Variants in DCHS1 observed in about 807,000 individuals in gnomAD.
DCHS1 encodes dachsous cadherin-related 1.
In DCHS1, 78 loss-of-function variants were observed where a neutral mutation model predicts 213.9. The observed-to-expected ratio is 0.36, with a 90% confidence interval of 0.30 to 0.44. DCHS1 has a LOEUF of 0.44. Among genes scored for constraint, DCHS1 ranks in the 20% least tolerant of loss-of-function variants. DCHS1 has a pLI of 1.00. For synonymous variants in DCHS1, 1,828 were observed against 1,873.7 expected, an observed-to-expected ratio of 0.98 and a Z score of 0.63; for missense variants, 3,946 against 4,395.9, an observed-to-expected ratio of 0.90 and a Z score of 2.89.
rs1270065934 is a variant in DCHS1 at position 6,630,472 on chromosome 11, A to C, written c.4322T>G (p.Leu1441Arg). Residue 1441 changes from leucine (L) to arginine (R), a missense_variant, in exon 10 of 21, where the codon CTG becomes CGG. Coordinates refer to ENST00000299441, the MANE Select transcript of DCHS1 (RefSeq NM_003737.4). ...CGGGTTCTCTGGCAGCGCCAGCGCC[A>C]GCGGGTCGCGCGCAAAGGCGGGCGC... ...EHAPAFARDP[L>R]ALALPENPEP... 1 of 1,529,734 alleles carries C rather than the reference A, an allele frequency of 6.5e-7. No individual in the cohort carries two copies. Among genetic ancestry groups the C allele is most frequent in the African/African-American group, 1.4e-5 (1 of 70,616 alleles). 94.8% of individuals were successfully genotyped at this position (1,529,734 alleles called of 1,614,324 possible).
At chr11:6,629,312 CA>C (rs1855862351) in intron 12 of DCHS1, 139 bp downstream of exon 12, 1 of 1,253,044 alleles carries the variant, frequency 8.0e-7, no homozygotes, top group East Asian at 2.5e-5. Flanking sequence ...CTCGACTCCC[CA>C]AAAGGGTCCA....
At chr11:6,646,540 G>A (rs1856158421) in intron 1 of DCHS1, among the ~76,000 whole-genome samples, 2 of 152,044 alleles carry the variant, frequency 1.3e-5, no homozygotes, top group Admixed American at 1.3e-4. Flanking sequence ...CCCCAGATCT[G>A]GCCTGCCCCT....
At position 6,640,713 on chromosome 11, in the gene DCHS1, C is replaced by G; in HGVS notation, c.901G>C (p.Gly301Arg). 6.2e-7 allele frequency: 1 copy of G among 1,613,874 alleles called. No individual in the cohort carries two copies. The highest frequency in any genetic ancestry group is 8.5e-7 in the Non-Finnish European group (1 of 1,179,884). The change falls in exon 2 of 21, where the codon GGT (glycine) becomes CGT (arginine). Residue 301 changes from glycine (G) to arginine (R), a missense_variant. By Grantham distance (125) the Gly-to-Arg change is moderately radical (BLOSUM62 -2). Around this residue, in one of 3 missense-constraint regions of DCHS1, gnomAD observed 3,384 missense variants for 3,780.1 expected, o/e 0.90. Coordinates refer to ENST00000299441, the MANE Select transcript of DCHS1 (RefSeq NM_003737.4). The surrounding 1 kb of genome is among the most constrained non-coding windows in gnomAD (Gnocchi z 6.5). Reference sequence around the variant, plus strand: ...GCGTCGATGGAGAAGGGTCCATCACCCTCGCTCTGCCTCCGGTTGATCTCG... The same window carrying G: ...GCGTCGATGGAGAAGGGTCCATCACGCTCGCTCTGCCTCCGGTTGATCTCG... ...TYEINRRQSE[G>R]DGPFSIDAHT... is the part of the protein sequence containing the mutation.
At position 6,628,734 on chromosome 11, in the gene DCHS1, C is replaced by T. The variant is rs564712515; in HGVS notation, c.5258G>A (p.Ser1753Asn). 9.3e-6 allele frequency: 15 copies of T among 1,614,032 alleles called. No individual in the cohort carries two copies. The South Asian group carries it at 1.6e-4, about 18-fold the overall frequency. The change falls in exon 13 of 21, where the codon AGT (serine) becomes AAT (asparagine). Residue 1753 changes from serine to asparagine, a missense_variant. Ser to Asn is a conservative substitution (Grantham distance 46). Transcript: ENST00000299441. The surrounding 1 kb of genome is among the most constrained non-coding windows in gnomAD (Gnocchi z 4.3). ...AGGCACCTCCAGAGAGAGATGGGCA[C>T]TCCCAAAGGTTGGTGCATGGTCATT... ...DENDHAPTFG[S>N]AHLSLEVPEG...
Position 6,632,343 on chromosome 11 carries a change from G to T in DCHS1, c.3169C>A (p.Arg1057=), listed in dbSNP as rs756230941. The part of the protein sequence containing the change: ...LEPQSGWLWV[R]AALDREAQEL... ...TGGGCCTCACGGTCTAGTGCTGCCC[G>T]CACCCATAGCCACCCACTCTGTGGC... Residue 1057 remains arginine, a synonymous_variant, in exon 6 of 21, where the codon CGG becomes AGG. Coordinates refer to ENST00000299441, the MANE Select transcript of DCHS1 (RefSeq NM_003737.4). The surrounding 1 kb of genome is among the most constrained non-coding windows in gnomAD (Gnocchi z 5.9). 1.6e-5 allele frequency: 26 copies of T among 1,613,872 alleles called. No individual in the cohort carries two copies. The highest frequency in any genetic ancestry group is 2.2e-5 in the Non-Finnish European group (26 of 1,179,836).
intron 2 of DCHS1, among the ~76,000 whole-genome samples, chr11:6,637,595 T>TCCCACA (rs1856004192): frequency 6.6e-6 from 1 of 151,824 alleles, no homozygotes; most frequent in African/African-American, 2.4e-5. Context: ...AACTGGGCCC[T>TCCCACA]CCCACACCTC....
In DCHS1 at chr11:6,640,161, CCTCAGGCAGGGG is replaced by C; in HGVS notation, c.1441_1452del (p.Pro481_Glu484del). 6.2e-7 allele frequency: 1 copy of C among 1,613,792 alleles called. No individual in the cohort carries two copies. The highest frequency in any genetic ancestry group is 1.1e-5 in the South Asian group (1 of 91,048). On this transcript the variant is annotated inframe_deletion, in exon 2 of 21. Transcript: ENST00000299441. This position sits in a 1 kb window ranked among gnomAD's most constrained non-coding sequence, Gnocchi z 6.5. ...ACTACAAAGCTGCCAGGCAGCGCAACCTCAGGCAGGGGCTCAGGTCGGTAGAGCTGGCGGTCA... is the reference window on the plus strand; with the variant it reads ...ACTACAAAGCTGCCAGGCAGCGCAACCTCAGGTCGGTAGAGCTGGCGGTCA...
At chr11:6,651,469 A>G (rs1195924822) in intron 1 of DCHS1, among the ~76,000 whole-genome samples, 1 of 152,204 alleles carries the variant, frequency 6.6e-6, no homozygotes. Flanking sequence ...CCTTTGTTAA[A>G]AAGAAAAGAT....
At position 6,630,580 on chromosome 11, in the gene DCHS1, AGC is replaced by A; in HGVS notation, c.4212_4213del (p.Leu1405TyrfsTer5). ...TCCCGGCCCCTCAGCGCGTACCGTA[AGC>A]GCGCGCCACGGCGGGCCAGCTTCGA... is the stretch of plus-strand genomic sequence containing the variant. On this transcript the variant is annotated frameshift_variant, in exon 10 of 21. Coordinates refer to ENST00000299441, the MANE Select transcript of DCHS1 (RefSeq NM_003737.4). LOFTEE classifies it high-confidence loss of function. 1 of 1,538,936 alleles carries A rather than the reference AGC, an allele frequency of 6.5e-7. No homozygotes were observed. Among genetic ancestry groups the A allele is most frequent in the Non-Finnish European group, 8.7e-7 (1 of 1,150,124 alleles).
Position 6,627,740 on chromosome 11 carries a change from AGAGT to A in DCHS1, c.5372-77_5372-74del. 2.0e-6 allele frequency: 3 copies of A among 1,489,010 alleles called. No homozygotes were observed. Among genetic ancestry groups the A allele is most frequent in the Non-Finnish European group, 2.7e-6 (3 of 1,105,738 alleles). 92.2% of individuals were successfully genotyped at this position (1,489,010 alleles called of 1,614,324 possible). On this transcript the variant is annotated intron_variant, in intron 13 of 20. Coordinates refer to ENST00000299441, the MANE Select transcript of DCHS1 (RefSeq NM_003737.4). This position sits in a 1 kb window ranked among gnomAD's most constrained non-coding sequence, Gnocchi z 5.4. ...GGGGGTGATTTACAGACAACAGGAG[AGAGT>A]GAGCATGTGCACAAAAGCAAGTGAA...
Position 6,629,889 on chromosome 11 carries a change from C to T in DCHS1, c.4818G>A (p.Pro1606=), listed in dbSNP as rs1228638350. The change falls in exon 11 of 21, where the codon CCG becomes CCA. Residue 1606 remains proline (P), a synonymous_variant. Coordinates refer to ENST00000299441, the MANE Select transcript of DCHS1 (RefSeq NM_003737.4). ...SSTGALSVVR[P]LDREQRAEHV... ...GCTCAGCTCGTTGTTCGCGGTCCAA[C>T]GGCCGCACCACGGACAGCGCTCCTA... 1 of 1,612,660 alleles carries T rather than the reference C, an allele frequency of 6.2e-7. No individual in the cohort carries two copies. The highest frequency in any genetic ancestry group is 1.1e-5 in the South Asian group (1 of 91,058).
In DCHS1 at chr11:6,625,912, G is replaced by A; in HGVS notation, c.6731+8C>T. The A allele has an allele frequency of 6.2e-7, 1 of 1,612,188 alleles. No individual in the cohort carries two copies. The highest frequency in any genetic ancestry group is 1.1e-5 in the South Asian group (1 of 90,578). On this transcript the variant is annotated splice_region_variant and intron_variant, in intron 17 of 20. Transcript: ENST00000299441. This position sits in a 1 kb window ranked among gnomAD's most constrained non-coding sequence, Gnocchi z 5.3. ...ATGGGGTCTTGGGTCCACAGGGCCAGGCCTCACCGTGTTTCAGCCCAGATC... is the reference window on the plus strand; with the variant it reads ...ATGGGGTCTTGGGTCCACAGGGCCAAGCCTCACCGTGTTTCAGCCCAGATC...
intron 1 of DCHS1, among the ~76,000 whole-genome samples, chr11:6,653,778 T>C (rs556122596): frequency 1.7e-4 from 26 of 152,138 alleles, no homozygotes; most frequent in African/African-American, 6.0e-4. Flanking sequence ...ATCCTTAGCA[T>C]ATGAGCTGGA....
chr11:6,630,485 C>T lies in DCHS1; in HGVS notation c.4309G>A (p.Ala1437Thr). The T allele has an allele frequency of 6.5e-7, 1 of 1,534,096 alleles. No individual in the cohort carries two copies. Among genetic ancestry groups the T allele is most frequent in the Non-Finnish European group, 8.7e-7 (1 of 1,146,764 alleles). ...QDENEHAPAF[A>T]RDPLALALPE... The stretch of plus-strand genomic sequence containing the variant: ...AGCGCCAGCGCCAGCGGGTCGCGCG[C>T]AAAGGCGGGCGCATGCTCATTCTCG... Residue 1437 changes from alanine to threonine, a missense_variant, in exon 10 of 21, where the codon GCG becomes ACG. This residue lies in a region of DCHS1 where 3,384 missense variants were observed against 3,780.1 expected (regional missense o/e 0.90). Coordinates refer to ENST00000299441, the MANE Select transcript of DCHS1 (RefSeq NM_003737.4).
rs1236793438 is a variant in DCHS1 at position 6,630,552 on chromosome 11, G to T, written c.4242C>A (p.Gly1414=). The change falls in exon 10 of 21, where the codon GGC becomes GGA. Residue 1414 remains glycine, a synonymous_variant. Coordinates refer to ENST00000299441, the MANE Select transcript of DCHS1 (RefSeq NM_003737.4). ...ALTVRAEGPG[G]AGARLLRVQV... Reference sequence around the variant, plus strand: ...GCACTCGCAGCAGCCGCGCGCCCGCGCCTCCCGGCCCCTCAGCGCGTACCG... The same window carrying T: ...GCACTCGCAGCAGCCGCGCGCCCGCTCCTCCCGGCCCCTCAGCGCGTACCG... 1.3e-6 allele frequency: 2 copies of T among 1,534,156 alleles called. No homozygotes were observed. Among genetic ancestry groups the T allele is most frequent in the Admixed American group, 2.0e-5 (1 of 51,112 alleles).
In DCHS1 at chr11:6,621,886, G is replaced by A. The variant is rs200963531; in HGVS notation, c.9790C>T (p.Arg3264Cys). The A allele has an allele frequency of 3.2e-5, 52 of 1,612,384 alleles. No homozygotes were observed. The highest frequency in any genetic ancestry group is 3.3e-4 in the Middle Eastern group (2 of 6,058). Residue 3264 changes from arginine (R) to cysteine (C), a missense_variant, in exon 21 of 21, where the codon CGC becomes TGC. Transcript: ENST00000299441. ...CCAAATGGTGAGACAACGGGTGAGC[G>A]AGCAGCCAGAGGAGACAGAGAGGGT... Reference protein sequence around the residue: ...FSPSLSPLAARSPVVSPFGVA... With the variant: ...FSPSLSPLAACSPVVSPFGVA...
In DCHS1 at chr11:6,634,271, G is replaced by A. The variant is rs1855957769; in HGVS notation, c.1833C>T (p.Gly611=). The change falls in exon 3 of 21, where the codon GGC becomes GGT. Residue 611 remains glycine, a synonymous_variant. Coordinates refer to ENST00000299441, the MANE Select transcript of DCHS1 (RefSeq NM_003737.4). The stretch of plus-strand genomic sequence containing the variant: ...CAGCACCCAAGGAATAGGAGAGGAG[G>A]CCAAATGGGCCACTATCCGCGTCTG... ...TATDADSGPF[G]LLSYSLGAGL... is the part of the protein sequence containing the mutation. The A allele has an allele frequency of 6.2e-7, 1 of 1,611,150 alleles. No individual in the cohort carries two copies. Among genetic ancestry groups the A allele is most frequent in the South Asian group, 1.1e-5 (1 of 90,720 alleles).
Position 6,635,552 on chromosome 11 carries a change from T to C in DCHS1, c.1798-1246A>G, listed in dbSNP as rs541924552. 2.5e-4 allele frequency among the ~76,000 whole-genome samples: 38 copies of C among 152,258 alleles called. 1 individual carries two copies. In the South Asian group the frequency reaches 6.8e-3, roughly 27 times the overall value. ...GAGAAAGCTGGCCAAGGACTTCTGATTGTGGCCCAGACCCTTGACAGAAAT... is the reference window on the plus strand; with the variant it reads ...GAGAAAGCTGGCCAAGGACTTCTGACTGTGGCCCAGACCCTTGACAGAAAT... On this transcript the variant is annotated intron_variant, in intron 2 of 20. Coordinates refer to ENST00000299441, the MANE Select transcript of DCHS1 (RefSeq NM_003737.4).
Position 6,627,079 on chromosome 11 carries a change from C to T in DCHS1, c.5960G>A (p.Arg1987Lys). 1 of 1,613,532 alleles carries T rather than the reference C, an allele frequency of 6.2e-7. No homozygotes were observed. The highest frequency in any genetic ancestry group is 8.5e-7 in the Non-Finnish European group (1 of 1,179,804). Residue 1987 changes from arginine to lysine, a missense_variant, in exon 14 of 21, where the codon AGA becomes AAA. Physicochemically the swap from Arg to Lys is conservative, Grantham distance 26 (BLOSUM62 2). Transcript: ENST00000299441. The surrounding 1 kb of genome is among the most constrained non-coding windows in gnomAD (Gnocchi z 5.4). ...GGCACCAGCATCACGATCTTCAGCT[C>T]TCAGTGTGGCCAGAGCCAGGGTTGG... Reference protein sequence around the residue: ...STPTLALATLRAEDRDAGANA... With the variant: ...STPTLALATLKAEDRDAGANA...
Sources: gnomAD v4.1 joint callset for allele counts (sites outside exome capture counted in the v4.1 genomes callset) on GRCh38, gnomAD v4.1.1 for gene constraint, gnomAD v4.1.1 regional missense constraint, Gnocchi (gnomAD v3.1) non-coding constraint, MANE v1.5 for transcripts, NCBI Gene and HGNC (gene_info 2026-07-23, HGNC 2026-07-21) for gene names.